RBPJ: variants seen among roughly 807,000 people sequenced by gnomAD.
The protein encoded by RBPJ is recombination signal binding protein for immunoglobulin kappa J region, also known as recombining binding protein suppressor of hairless.
A neutral mutation model predicts 67.8 loss-of-function variants in RBPJ; 9 were observed. The ratio of observed to expected loss-of-function variants is 0.13; its 90% CI spans 0.08 to 0.23. The LOEUF (loss-of-function observed/expected upper bound fraction) is 0.23, where lower values mean the gene tolerates loss of function less well. RBPJ is among the 10% of genes least tolerant of loss of function. The pLI is 1.00. For synonymous variants in RBPJ, 198 were observed against 203.3 expected, an observed-to-expected ratio of 0.97 and a Z score of 0.22; for missense variants, 305 against 595.6, an observed-to-expected ratio of 0.51 and a Z score of 5.08.
At chr4:26,218,673 C>A (rs999770766) in intron 1 of RBPJ, among the ~76,000 whole-genome samples, 3 of 152,192 alleles carry the variant, frequency 2.0e-5, no homozygotes, top group Admixed American at 6.5e-5. Flanking sequence ...TGCCATACCC[C>A]CTCGGCCTCG....
chr4:26,129,444 TA>T, the RBPJ span, among the ~76,000 whole-genome samples: 1 of 152,212 alleles, frequency 6.6e-6, no homozygotes, highest in African/African-American at 2.4e-5. Context: ...AAAATTGGAG[TA>T]AAGTTGAGTG....
chr4:26,278,903 A>G (rs1033988680), intron 1 of RBPJ, among the ~76,000 whole-genome samples: 11 of 152,168 alleles, frequency 7.2e-5, no homozygotes, highest in African/African-American at 2.7e-4. Flanking sequence ...TATGGGATGG[A>G]TATATAAGGT....
intron 8 of RBPJ, 83 bp downstream of exon 8, chr4:26,428,943 C>T: frequency 9.5e-7 from 1 of 1,055,678 alleles, no homozygotes; most frequent in Non-Finnish European, 1.4e-6. Context: ...TTTTCATTTG[C>T]TGTTAATTAT....
chr4:26,312,957 G>T (rs896375336), intron 1 of RBPJ, among the ~76,000 whole-genome samples: 7 of 152,052 alleles, frequency 4.6e-5, no homozygotes, highest in African/African-American at 1.7e-4. Context: ...TTCTCTCTCT[G>T]TCTCGCCCAG....
At chr4:26,353,265 A>G (rs565782955) in intron 1 of RBPJ, among the ~76,000 whole-genome samples, 46 of 152,370 alleles carry the variant, frequency 3.0e-4, no homozygotes, top group African/African-American at 1.1e-3. Context: ...TCATTCCCCT[A>G]TGCTGCCTAT....
intron 1 of RBPJ, among the ~76,000 whole-genome samples, chr4:26,268,902 G>C (rs536283719): frequency 2.6e-5 from 4 of 152,132 alleles, no homozygotes; most frequent in Non-Finnish European, 2.9e-5. Flanking sequence ...ATGTTAACTT[G>C]ATAAATGTAT....
At chr4:26,324,933 T>G (rs780806850) in intron 1 of RBPJ, among the ~76,000 whole-genome samples, 6 of 152,248 alleles carry the variant, frequency 3.9e-5, no homozygotes, top group Non-Finnish European at 8.8e-5. Flanking sequence ...CTTATATTTT[T>G]TAGTGCTTTG....
chr4:26,225,587 A>G (rs564352324), intron 1 of RBPJ, among the ~76,000 whole-genome samples: 1 of 152,304 alleles, frequency 6.6e-6, no homozygotes, highest in South Asian at 2.1e-4. Flanking sequence ...GCGAACCATG[A>G]TGTAAACTAT....
intron 2 of RBPJ, among the ~76,000 whole-genome samples, chr4:26,395,076 T>C (rs1246519328): frequency 6.6e-6 from 1 of 152,196 alleles, no homozygotes; most frequent in African/African-American, 2.4e-5. Context: ...TGGTCAGATA[T>C]GGAAATAATC....
intron 1 of RBPJ, among the ~76,000 whole-genome samples, chr4:26,191,207 A>G (rs1330777294): frequency 1.0e-4 from 3 of 30,032 alleles, no homozygotes; most frequent in African/African-American, 3.3e-4. Context: ...ATATATATAT[A>G]TATAGAGAGA....
chr4:26,191,151 C>CAAAAAAA (rs1186422694), intron 1 of RBPJ, among the ~76,000 whole-genome samples: 1 of 10,516 alleles, frequency 9.5e-5, no homozygotes, highest in African/African-American at 3.9e-4. Flanking sequence ...GACCCTGTCT[C>CAAAAAAA]AAAAAAAAAA....
At chr4:26,184,835 AC>A (rs1326201755) in intron 1 of RBPJ, among the ~76,000 whole-genome samples, 142 of 152,236 alleles carry the variant, frequency 9.3e-4, no homozygotes, top group African/African-American at 3.3e-3. Context: ...TAAATGAAGA[AC>A]TTTTTTTGAA....
intron 1 of RBPJ, among the ~76,000 whole-genome samples, chr4:26,204,543 G>T (rs758187387): frequency 1.3e-5 from 2 of 152,168 alleles, no homozygotes; most frequent in African/African-American, 4.8e-5. Flanking sequence ...CTGGGGATGG[G>T]ACTACTCGTG....
chr4:26,324,393 C>T lies in RBPJ; in HGVS notation c.20+3345C>T, dbSNP rs866121491. ...TAAAACAAATTACAGGGTGATGTGT[C>T]GTGTGTGAGTGTGTGTGTGTGTGTG... On this transcript the variant is annotated intron_variant, in intron 1 of 10. Transcript: ENST00000355476. Among the ~76,000 whole-genome samples the T allele has an allele frequency of 8.5e-4, 94 of 110,314 alleles. 1 individual carries two copies. The highest frequency in any genetic ancestry group is 3.2e-3 in the African/African-American group (92 of 28,764). The allele number at this position is 110,314 out of a possible 152,430, so 72.4% of individuals were successfully genotyped here. A position where few individuals can be genotyped will look rare whatever the true frequency, so the allele number is the denominator to read the frequency against.
chr4:26,187,396 T>C (rs1717309007), intron 1 of RBPJ, among the ~76,000 whole-genome samples: 1 of 152,188 alleles, frequency 6.6e-6, no homozygotes, highest in South Asian at 2.1e-4. Flanking sequence ...TATTGTACTC[T>C]GTAACATATA....
At chr4:26,320,502 A>C, upstream of RBPJ, 1 of 470,380 alleles carries the variant, frequency 2.1e-6, no homozygotes, top group Non-Finnish European at 3.8e-6. Context: ...GCGCCCAGGG[A>C]ACGTTTGAAT....
chr4:26,272,942 T>G (rs527935291), intron 1 of RBPJ, among the ~76,000 whole-genome samples: 1 of 152,322 alleles, frequency 6.6e-6, no homozygotes, highest in South Asian at 2.1e-4. Flanking sequence ...ATGTTTACAT[T>G]ACAGACGCTG....
the RBPJ span, among the ~76,000 whole-genome samples, chr4:26,125,165 C>G: frequency 2.0e-5 from 3 of 152,188 alleles, no homozygotes; most frequent in African/African-American, 7.2e-5. Flanking sequence ...TTGGCCAGAA[C>G]TTAGTCATCT....
intron 1 of RBPJ, among the ~76,000 whole-genome samples, chr4:26,196,318 A>G (rs534343129): frequency 6.6e-6 from 1 of 152,328 alleles, no homozygotes; most frequent in Non-Finnish European, 1.5e-5. Context: ...ACTAAATGGA[A>G]GAAGCAAGTT....
Sources: gnomAD v4.1 joint callset for allele counts (sites outside exome capture counted in the v4.1 genomes callset) on GRCh38, gnomAD v4.1.1 for gene constraint, MANE v1.5 for transcripts, NCBI Gene and HGNC (gene_info 2026-07-23, HGNC 2026-07-21) for gene names.